KIAA0319L: variants seen among roughly 807,000 people sequenced by gnomAD.
KIAA0319L encodes dyslexia-associated protein KIAA0319-like protein.
A neutral mutation model predicts 120.1 loss-of-function variants in KIAA0319L; 55 were observed. That is an observed-to-expected ratio of 0.46 (90% CI 0.37 to 0.57). The LOEUF (loss-of-function observed/expected upper bound fraction) is 0.57. Ranked by LOEUF, KIAA0319L falls within the 20% of genes least tolerant of loss-of-function variation. The pLI, the probability that KIAA0319L is intolerant of heterozygous loss-of-function variation, is 0.00. For synonymous variants in KIAA0319L, 398 were observed against 471.9 expected (o/e 0.84, Z 2.03); for missense variants, 1,049 against 1,255.3 (o/e 0.84, Z 2.48).
At chr1:35,533,895 AC>A (rs1646468513) in intron 2 of KIAA0319L, among the ~76,000 whole-genome samples, 1 of 152,196 alleles carries the variant, frequency 6.6e-6, no homozygotes, top group Admixed American at 6.5e-5. Flanking sequence ...ATAAACAAAT[AC>A]AAAAAAAATG....
At chr1:35,475,045 T>C in intron 4 of KIAA0319L, 139 bp from the exon 5 acceptor site, 1 of 565,610 alleles carries the variant, frequency 1.8e-6, no homozygotes, top group Non-Finnish European at 3.1e-6. Flanking sequence ...TACTCTCTAA[T>C]TGCTTGAAAT....
At chr1:35,530,170 C>T (rs557990656) in intron 2 of KIAA0319L, among the ~76,000 whole-genome samples, 52 of 151,748 alleles carry the variant, frequency 3.4e-4, no homozygotes, top group Admixed American at 3.1e-3. Context: ...TGCGTAGCTG[C>T]GACTACAGGC....
At chr1:35,540,878 T>TATTA (rs1053672616) in intron 2 of KIAA0319L, among the ~76,000 whole-genome samples, 1 of 152,086 alleles carries the variant, frequency 6.6e-6, no homozygotes, top group African/African-American at 2.4e-5. Flanking sequence ...ATGGCAAAGG[T>TATTA]ATTAACAGAC....
chr1:35,529,981 G>A (rs1378059825), intron 2 of KIAA0319L, among the ~76,000 whole-genome samples: 3 of 144,470 alleles, frequency 2.1e-5, no homozygotes, highest in Admixed American at 2.1e-4. Flanking sequence ...ATGTCACAAT[G>A]CCTTTTTTTT....
At chr1:35,534,285 T>C (rs139330809) in intron 2 of KIAA0319L, among the ~76,000 whole-genome samples, 32 of 152,344 alleles carry the variant, frequency 2.1e-4, no homozygotes, top group African/African-American at 7.0e-4. Context: ...TATTCTGACT[T>C]CTTTCCCTTC....
chr1:35,555,664 A>G (rs1647877886), intron 1 of KIAA0319L, among the ~76,000 whole-genome samples: 1 of 152,222 alleles, frequency 6.6e-6, no homozygotes, highest in Admixed American at 6.5e-5. Context: ...TAGAAAGTAC[A>G]TCCAGCAATT....
At chr1:35,454,866 C>T (rs1174377718) in intron 10 of KIAA0319L, among the ~76,000 whole-genome samples, 4 of 152,212 alleles carry the variant, frequency 2.6e-5, no homozygotes, top group African/African-American at 9.6e-5. Flanking sequence ...AGATCCTCTT[C>T]CTACTGAAGC....
intron 1 of KIAA0319L, among the ~76,000 whole-genome samples, chr1:35,555,241 C>A (rs774822115): frequency 6.6e-6 from 1 of 152,112 alleles, no homozygotes; most frequent in East Asian, 1.9e-4. Context: ...TAAATTAGTA[C>A]GTAAATATTG....
chr1:35,526,388 C>T (rs1012624858), intron 2 of KIAA0319L, among the ~76,000 whole-genome samples: 31 of 127,120 alleles, frequency 2.4e-4, no homozygotes, highest in Non-Finnish European at 3.5e-4. Context: ...TATATACATA[C>T]ATATATATAT....
rs557357121 is a variant in KIAA0319L, at chr1:35,457,279, G to A, written c.1428-1038C>T. ...GAGGTAATTCTTAGTCCCTATTCCC[G>A]ATTCCCTACGCTATGTAGTGCAAGC... On this transcript the variant is annotated intron_variant, in intron 9 of 20. Coordinates refer to ENST00000325722, the MANE Select transcript of KIAA0319L (RefSeq NM_024874.5). Among the ~76,000 whole-genome samples the A allele has an allele frequency of 3.0e-4, 45 of 152,074 alleles. No individual in the cohort carries two copies. The South Asian group carries it at 4.2e-3, about 14-fold the overall frequency.
At position 35,506,492 on chromosome 1, in the gene KIAA0319L, T is replaced by A; in HGVS notation, c.666+120A>T. The A allele has an allele frequency of 3.1e-6, 3 of 964,738 alleles. No homozygotes were observed. In the South Asian group the frequency reaches 4.8e-5, roughly 15 times the overall value. 59.8% of individuals were successfully genotyped at this position (964,738 alleles called of 1,614,324 possible). A position where few individuals can be genotyped will look rare whatever the true frequency, so the allele number is the denominator to read the frequency against. The stretch of plus-strand genomic sequence containing the variant: ...CCAAAGAAGCTGACACCAAGCAGCT[T>A]TATATATACACTCCTCAGCCTATGA... On this transcript the variant is annotated intron_variant, in intron 3 of 20. Coordinates refer to ENST00000325722, the MANE Select transcript of KIAA0319L (RefSeq NM_024874.5). This position sits in a 1 kb window ranked among gnomAD's most constrained non-coding sequence, Gnocchi z 4.0.
chr1:35,465,388 G>A (rs1225784411), intron 7 of KIAA0319L, among the ~76,000 whole-genome samples: 1 of 152,200 alleles, frequency 6.6e-6, no homozygotes, highest in Non-Finnish European at 1.5e-5. Context: ...TGCCCTGCTG[G>A]ATTCTGCACT....
intron 3 of KIAA0319L, among the ~76,000 whole-genome samples, chr1:35,487,563 C>A (rs1047184841): frequency 6.6e-6 from 1 of 152,188 alleles, no homozygotes; most frequent in African/African-American, 2.4e-5. Context: ...TACAGGTCTG[C>A]CTGTGTAACT....
intron 8 of KIAA0319L, 25 bp from the exon 9 acceptor site, chr1:35,460,462 A>G: frequency 6.2e-7 from 1 of 1,609,266 alleles, no homozygotes; most frequent in Non-Finnish European, 8.5e-7. Flanking sequence ...AACATCAGTT[A>G]CAACATGAGA....
At chr1:35,504,316 C>A (rs1376748473) in intron 3 of KIAA0319L, among the ~76,000 whole-genome samples, 1 of 152,128 alleles carries the variant, frequency 6.6e-6, no homozygotes, top group Non-Finnish European at 1.5e-5. Flanking sequence ...CCTCCCTCAG[C>A]CTCCCGAGTA....
At chr1:35,477,819 C>T (rs1216943982) in intron 4 of KIAA0319L, among the ~76,000 whole-genome samples, 1 of 152,028 alleles carries the variant, frequency 6.6e-6, no homozygotes, top group Admixed American at 6.6e-5. Flanking sequence ...TAAATTAGTA[C>T]AACCACTATG....
At chr1:35,442,362 G>A (rs1641287567) in intron 18 of KIAA0319L, 26 bp from the exon 19 acceptor site, 1 of 1,564,706 alleles carries the variant, frequency 6.4e-7, no homozygotes, top group Non-Finnish European at 8.8e-7. Flanking sequence ...AAATGGTGAG[G>A]GCTGTGGAGG....
At chr1:35,465,983 C>T (rs1460900540) in intron 7 of KIAA0319L, among the ~76,000 whole-genome samples, 3 of 152,180 alleles carry the variant, frequency 2.0e-5, no homozygotes, top group Non-Finnish European at 4.4e-5. Context: ...GTCCATTAAA[C>T]CTCTTTCTTT....
intron 2 of KIAA0319L, among the ~76,000 whole-genome samples, chr1:35,518,274 A>C (rs1346757345): frequency 2.6e-5 from 4 of 152,198 alleles, no homozygotes; most frequent in Non-Finnish European, 5.9e-5. Context: ...GTGAGTGTTC[A>C]TTACAGCACT....
Sources: allele counts gnomAD v4.1 joint callset (sites outside exome capture counted in the v4.1 genomes callset), GRCh38; gene constraint gnomAD v4.1.1; non-coding constraint Gnocchi (gnomAD v3.1); transcripts MANE v1.5; gene names NCBI Gene and HGNC (gene_info 2026-07-23, HGNC 2026-07-21).